Variants in BICC1 observed in about 807,000 individuals in gnomAD.
BICC1 encodes BicC family RNA binding protein 1.
In BICC1, 43 loss-of-function variants were observed where a neutral mutation model predicts 111.0. The observed-to-expected ratio is 0.39, with a 90% CI of 0.30 to 0.50. BICC1 has a LOEUF of 0.50. Ranked by LOEUF, BICC1 falls within the 20% of genes least tolerant of loss-of-function variation. The probability of loss-of-function intolerance (pLI) is 0.88; values close to 1 mark genes in which losing one functional copy is unlikely to be tolerated. For missense variants in BICC1, 1,091 were observed against 1,203.2 expected, an observed-to-expected ratio of 0.91 and a Z score of 1.38; for synonymous variants, 467 against 434.4, an observed-to-expected ratio of 1.07 and a Z score of -0.93.
At chr10:58,548,924 A>G (rs997160774) in intron 1 of BICC1, among the ~76,000 whole-genome samples, 2 of 152,000 alleles carry the variant, frequency 1.3e-5, no homozygotes, top group Non-Finnish European at 2.9e-5. Flanking sequence ...CAGTGGTGCG[A>G]TCATGGCTCA....
chr10:58,597,400 C>A (rs1345270455), intron 1 of BICC1, among the ~76,000 whole-genome samples: 1 of 151,932 alleles, frequency 6.6e-6, no homozygotes, highest in East Asian at 1.9e-4. Flanking sequence ...GGACAAAGGG[C>A]AAAAGCAGAA....
At chr10:58,675,525 G>A (rs918316286) in intron 2 of BICC1, among the ~76,000 whole-genome samples, 1 of 152,104 alleles carries the variant, frequency 6.6e-6, no homozygotes, top group Non-Finnish European at 1.5e-5. Flanking sequence ...ACATGGAAAG[G>A]CAGATACCAT....
chr10:58,575,954 C>A (rs1422030023), intron 1 of BICC1, among the ~76,000 whole-genome samples: 1 of 152,118 alleles, frequency 6.6e-6, no homozygotes, highest in Admixed American at 6.5e-5. Flanking sequence ...AATATTTGAG[C>A]ATTTATGCTA....
intron 3 of BICC1, among the ~76,000 whole-genome samples, chr10:58,728,053 G>A (rs989939991): frequency 2.6e-5 from 4 of 152,220 alleles, no homozygotes; most frequent in Non-Finnish European, 5.9e-5. Context: ...CCTCAGTGTT[G>A]ATGGCTACTG....
intron 2 of BICC1, among the ~76,000 whole-genome samples, chr10:58,694,455 C>T (rs1840010883): frequency 6.6e-6 from 1 of 152,194 alleles, no homozygotes; most frequent in African/African-American, 2.4e-5. Flanking sequence ...CAACAACTCA[C>T]AGTTTGTGTA....
Position 58,759,353 on chromosome 10 carries a change from A to G in BICC1, c.308-25648A>G, listed in dbSNP as rs143026444. Among the ~76,000 whole-genome samples, 847 of 152,244 alleles carry G rather than the reference A, an allele frequency of 5.6e-3. 10 individuals are homozygous for G. Among genetic ancestry groups the G allele is most frequent in the African/African-American group, 0.02 (811 of 41,546 alleles). ...TCAATATAAACAAAAAGATTTATGAAACCTAAAATATTTGAAACTTTTCTA... is the reference window on the plus strand; with the variant it reads ...TCAATATAAACAAAAAGATTTATGAGACCTAAAATATTTGAAACTTTTCTA... On this transcript the variant is annotated intron_variant, in intron 3 of 20. Transcript: ENST00000373886.
Position 58,793,499 on chromosome 10 carries a change from G to C in BICC1, c.1063G>C (p.Val355Leu). 1 of 1,611,850 alleles carries C rather than the reference G, an allele frequency of 6.2e-7. No individual in the cohort carries two copies. The highest frequency in any genetic ancestry group is 8.5e-7 in the Non-Finnish European group (1 of 1,178,778). ...RQYLMGCLPL[V>L]LMFDMKEEIE... is the part of the protein sequence containing the mutation. ...CATTTTCTAGGGTTGTCTTCCTCTT[G>C]TGTTGATGTTTGATATGAAGGAAGA... The change falls in exon 9 of 21, where the codon GTG becomes CTG. Residue 355 changes from valine to leucine, a missense_variant. Physicochemically the swap from Val to Leu is conservative, Grantham distance 32. Coordinates refer to ENST00000373886, the MANE Select transcript of BICC1 (RefSeq NM_001080512.3).
chr10:58,542,557 A>G (rs2131888197), intron 1 of BICC1, among the ~76,000 whole-genome samples: 2 of 152,278 alleles, frequency 1.3e-5, no homozygotes, highest in Non-Finnish European at 2.9e-5. Context: ...GCAAAGGAAA[A>G]TCAACAGAGT....
chr10:58,633,447 AATT>A (rs1837858622), intron 2 of BICC1, among the ~76,000 whole-genome samples: 1 of 152,330 alleles, frequency 6.6e-6, no homozygotes, highest in East Asian at 1.9e-4. Flanking sequence ...GTAAGGGACA[AATT>A]ATTACTTTTT....
chr10:58,616,434 A>T (rs1242324444), intron 1 of BICC1, among the ~76,000 whole-genome samples: 1 of 151,906 alleles, frequency 6.6e-6, no homozygotes, highest in Non-Finnish European at 1.5e-5. Context: ...TTGCTGCACA[A>T]CCTGGTCCCA....
At chr10:58,724,377 G>A (rs1353832289) in intron 3 of BICC1, among the ~76,000 whole-genome samples, 1 of 152,128 alleles carries the variant, frequency 6.6e-6, no homozygotes, top group East Asian at 1.9e-4. Flanking sequence ...AGAACTCTGT[G>A]TCTGTGTGTG....
chr10:58,683,009 G>A (rs1456851215), intron 2 of BICC1, among the ~76,000 whole-genome samples: 2 of 152,162 alleles, frequency 1.3e-5, no homozygotes, highest in East Asian at 3.8e-4. Flanking sequence ...GGTTTTTATG[G>A]TTTTAGGTCT....
chr10:58,522,281 C>A (rs570231840), intron 1 of BICC1, among the ~76,000 whole-genome samples: 1 of 152,064 alleles, frequency 6.6e-6, no homozygotes, highest in South Asian at 2.1e-4. Flanking sequence ...TAAAAACACA[C>A]TTTTCATTGT....
chr10:58,782,322 C>T (rs536129297), intron 3 of BICC1, among the ~76,000 whole-genome samples: 1 of 152,288 alleles, frequency 6.6e-6, no homozygotes, highest in South Asian at 2.1e-4. Flanking sequence ...TCAAAACTTA[C>T]TGTTAATTTG....
chr10:58,550,129 C>T (rs1363819577), intron 1 of BICC1, among the ~76,000 whole-genome samples: 2 of 152,116 alleles, frequency 1.3e-5, no homozygotes, highest in Non-Finnish European at 2.9e-5. Context: ...AATCCTCCAC[C>T]TCAGCCTTCT....
At chr10:58,749,640 T>G (rs1292464688) in intron 3 of BICC1, among the ~76,000 whole-genome samples, 10 of 152,142 alleles carry the variant, frequency 6.6e-5, no homozygotes, top group Non-Finnish European at 7.4e-5. Context: ...AAGTAGATAC[T>G]CATTTCAACC....
chr10:58,662,793 C>T (rs944018554), intron 2 of BICC1, among the ~76,000 whole-genome samples: 1 of 152,074 alleles, frequency 6.6e-6, no homozygotes, highest in Non-Finnish European at 1.5e-5. Flanking sequence ...TTGTAACAAT[C>T]TGGTAAGAAA....
At position 58,600,663 on chromosome 10, in the gene BICC1, C is replaced by T. The variant is rs10763564; in HGVS notation, c.191-20192C>T. Among the ~76,000 whole-genome samples, 3 of 151,682 alleles carry T rather than the reference C, an allele frequency of 2.0e-5. No individual in the cohort carries two copies. The East Asian group carries it at 5.8e-4, about 29-fold the overall frequency. On this transcript the variant is annotated intron_variant, in intron 1 of 20. Transcript: ENST00000373886. Reference sequence around the variant, plus strand: ...CCACTTATGTGTGGATTTTCTTGCACCTATGCCACCCCTGAGACCTCAAGA... The same window carrying T: ...CCACTTATGTGTGGATTTTCTTGCATCTATGCCACCCCTGAGACCTCAAGA...
intron 2 of BICC1, among the ~76,000 whole-genome samples, chr10:58,631,698 C>G (rs1404601055): frequency 2.0e-5 from 3 of 152,154 alleles, no homozygotes; most frequent in Non-Finnish European, 4.4e-5. Context: ...ATAGAGGCCT[C>G]TGTGTTTCCT....
Sources: allele counts gnomAD v4.1 joint callset (sites outside exome capture counted in the v4.1 genomes callset), GRCh38; gene constraint gnomAD v4.1.1; transcripts MANE v1.5; gene names NCBI Gene and HGNC (gene_info 2026-07-23, HGNC 2026-07-21).